ATXN2: variants seen among roughly 807,000 people sequenced by gnomAD.
ATXN2 encodes the protein ataxin-2.
In ATXN2, 37 loss-of-function variants were observed where a neutral mutation model predicts 138.6. The observed-to-expected ratio is 0.27, with a 90% confidence interval of 0.21 to 0.35. The LOEUF is 0.35. Ranked by LOEUF, ATXN2 falls within the 10% of genes least tolerant of loss-of-function variation. The pLI, the probability that ATXN2 is intolerant of heterozygous loss-of-function variation, is 1.00. For synonymous variants in ATXN2, 549 were observed against 543.7 expected, an observed-to-expected ratio of 1.01 and a Z score of -0.13; for missense variants, 1,216 against 1,480.3, an observed-to-expected ratio of 0.82 and a Z score of 2.93.
In ATXN2 at chr12:111,525,225, G is replaced by C; in HGVS notation, c.663C>G (p.Ala221=). 1 of 1,613,380 alleles carries C rather than the reference G, an allele frequency of 6.2e-7. No individual in the cohort carries two copies. The highest frequency in any genetic ancestry group is 8.5e-7 in the Non-Finnish European group (1 of 1,179,882). The change falls in exon 6 of 25, where the codon GCC becomes GCG. Residue 221 remains alanine (A), a synonymous_variant. Coordinates refer to ENST00000673436, the MANE Select transcript of ATXN2 (RefSeq NM_001372574.1). ...LEPWDAGELT[A]NEELEALEND... is the part of the protein sequence containing the mutation. ...TTTCCAAAGCCTCAAGTTCCTCATT[G>C]GCTGTGAGTTCACCTGCATCCCAGG...
intron 20 of ATXN2, among the ~76,000 whole-genome samples, chr12:111,465,767 CAAAAAAA>C (rs61456193): frequency 0.16 from 5,819 of 36,242 alleles, 541 homozygotes; most frequent in East Asian, 0.58. Context: ...GAGACTACCT[CAAAAAAA>C]AAAAAAAAAA....
At chr12:111,497,920 G>A (rs1878527739) in intron 14 of ATXN2, among the ~76,000 whole-genome samples, 1 of 152,098 alleles carries the variant, frequency 6.6e-6, no homozygotes, top group Non-Finnish European at 1.5e-5. Context: ...GGAGGCTGAG[G>A]CAGGAGAACG....
chr12:111,497,346 C>G (rs1320436891), intron 14 of ATXN2, among the ~76,000 whole-genome samples: 2 of 152,102 alleles, frequency 1.3e-5, no homozygotes, highest in Non-Finnish European at 2.9e-5. Flanking sequence ...CAACACAATA[C>G]AGGAAGAGGG....
At chr12:111,589,252 T>C (rs565652113) in intron 1 of ATXN2, among the ~76,000 whole-genome samples, 2 of 150,878 alleles carry the variant, frequency 1.3e-5, no homozygotes, top group Non-Finnish European at 3.0e-5. Context: ...GAGGCGGAGG[T>C]TGCAGTAAGC....
chr12:111,522,688 G>A (rs1880243545), intron 6 of ATXN2, among the ~76,000 whole-genome samples: 1 of 151,764 alleles, frequency 6.6e-6, no homozygotes, highest in African/African-American at 2.4e-5. Flanking sequence ...CAAGGTGGGT[G>A]GATCACCTGA....
chr12:111,559,085 C>G (rs1360711627), intron 1 of ATXN2, among the ~76,000 whole-genome samples: 1 of 151,356 alleles, frequency 6.6e-6, no homozygotes, highest in Non-Finnish European at 1.5e-5. Context: ...AGGTTCCTCA[C>G]AGTTTAAATC....
intron 6 of ATXN2, among the ~76,000 whole-genome samples, chr12:111,523,124 C>T (rs1232454456): frequency 6.6e-6 from 1 of 150,456 alleles, no homozygotes; most frequent in South Asian, 2.1e-4. Context: ...ACTAAAAACA[C>T]AAAAATTAGC....
At chr12:111,548,557 T>C (rs1881955794) in intron 5 of ATXN2, among the ~76,000 whole-genome samples, 1 of 152,226 alleles carries the variant, frequency 6.6e-6, no homozygotes, top group Admixed American at 6.5e-5. Context: ...AATCAATTCA[T>C]ATCTTTTAGG....
chr12:111,545,335 G>A (rs912923026), intron 5 of ATXN2, among the ~76,000 whole-genome samples: 1 of 151,774 alleles, frequency 6.6e-6, no homozygotes, highest in Admixed American at 6.6e-5. Context: ...GGTGGCTCAC[G>A]CCTGTAATCC....
At chr12:111,549,093 C>T (rs1316261499) in intron 5 of ATXN2, among the ~76,000 whole-genome samples, 1 of 152,048 alleles carries the variant, frequency 6.6e-6, no homozygotes, top group African/African-American at 2.4e-5. Context: ...CCATAGCTCA[C>T]ACCCTGACTG....
chr12:111,561,414 G>A (rs536882390), intron 1 of ATXN2, among the ~76,000 whole-genome samples: 5 of 152,060 alleles, frequency 3.3e-5, no homozygotes, highest in African/African-American at 9.6e-5. Context: ...GGAGGAGAAC[G>A]GCTTGAACCC....
chr12:111,507,507 G>A lies in ATXN2; in HGVS notation c.1935+2042C>T, dbSNP rs1488248630. Among the ~76,000 whole-genome samples, 38 of 150,600 alleles carry A rather than the reference G, an allele frequency of 2.5e-4. No homozygotes were observed. The East Asian group carries it at 4.8e-3, about 19-fold the overall frequency. Reference sequence around the variant, plus strand: ...GGGAGGGAGGTGGGGGTCAGCCCCCGCCCGGCCAGCCGCCCCATCCGGGAG... The same window carrying A: ...GGGAGGGAGGTGGGGGTCAGCCCCCACCCGGCCAGCCGCCCCATCCGGGAG... On this transcript the variant is annotated intron_variant, in intron 14 of 24. Coordinates refer to ENST00000673436, the MANE Select transcript of ATXN2 (RefSeq NM_001372574.1).
At chr12:111,489,678 T>C (rs1441542553) in intron 14 of ATXN2, among the ~76,000 whole-genome samples, 1 of 150,644 alleles carries the variant, frequency 6.6e-6, no homozygotes, top group Non-Finnish European at 1.5e-5. Flanking sequence ...TTCCAGCCCT[T>C]TGGGAGGCTG....
At chr12:111,564,749 C>T (rs1017633319) in intron 1 of ATXN2, 1 of 152,180 alleles carries the variant, frequency 6.6e-6, no homozygotes, top group African/African-American at 2.4e-5. Context: ...CGTTACAAGA[C>T]CCTGTCTTTT....
chr12:111,559,967 T>C (rs989884237), intron 1 of ATXN2, among the ~76,000 whole-genome samples: 11 of 152,150 alleles, frequency 7.2e-5, no homozygotes, highest in African/African-American at 9.7e-5. Flanking sequence ...AGGAGAATCA[T>C]TGGAGATAAG....
At chr12:111,542,601 G>A (rs1657276574) in intron 5 of ATXN2, among the ~76,000 whole-genome samples, 1 of 152,096 alleles carries the variant, frequency 6.6e-6, no homozygotes, top group South Asian at 2.1e-4. Flanking sequence ...CAAGTAGCTG[G>A]GTTTACAGGA....
chr12:111,466,996 G>A (rs1252235956), intron 20 of ATXN2, among the ~76,000 whole-genome samples: 1 of 151,990 alleles, frequency 6.6e-6, no homozygotes, highest in African/African-American at 2.4e-5. Flanking sequence ...TTATAAGAAT[G>A]TACTTCAAAT....
chr12:111,590,765 G>A (rs982723125), intron 1 of ATXN2, among the ~76,000 whole-genome samples: 3 of 151,992 alleles, frequency 2.0e-5, no homozygotes, highest in African/African-American at 7.3e-5. Flanking sequence ...AGCCCCACCT[G>A]TTAGATCAGG....
intron 5 of ATXN2, among the ~76,000 whole-genome samples, chr12:111,543,972 G>A (rs1247796521): frequency 1.3e-5 from 2 of 152,094 alleles, no homozygotes; most frequent in Admixed American, 6.6e-5. Context: ...CAGCTACTTG[G>A]GAGGCTGAGG....
Sources: allele counts gnomAD v4.1 joint callset (sites outside exome capture counted in the v4.1 genomes callset), GRCh38; gene constraint gnomAD v4.1.1; transcripts MANE v1.5; gene names NCBI Gene and HGNC (gene_info 2026-07-23, HGNC 2026-07-21).